Variants in THSD7B observed in about 807,000 individuals in gnomAD.
THSD7B encodes thrombospondin type-1 domain-containing protein 7B.
THSD7B carries 138 observed loss-of-function variants against 213.6 expected under a neutral mutation model. The observed-to-expected ratio is 0.65, with a 90% CI of 0.56 to 0.74. THSD7B has a LOEUF of 0.74. THSD7B is among the 30% of genes least tolerant of loss of function. The pLI, the probability that THSD7B is intolerant of heterozygous loss-of-function variation, is 0.00. For synonymous variants in THSD7B, 742 were observed against 687.0 expected (o/e 1.08, Z -1.25); for missense variants, 1,931 against 1,991.5 (o/e 0.97, Z 0.58).
chr2:136,925,348 A>G (rs1302009197), intron 2 of THSD7B, among the ~76,000 whole-genome samples: 1 of 152,164 alleles, frequency 6.6e-6, no homozygotes, highest in African/African-American at 2.4e-5. Flanking sequence ...CATTTACACT[A>G]TATTCCTAGT....
At chr2:137,252,266 C>CAAAAAAAAA (rs1182130976) in intron 10 of THSD7B, among the ~76,000 whole-genome samples, 2 of 59,690 alleles carry the variant, frequency 3.4e-5, no homozygotes, top group Non-Finnish European at 5.6e-5. Context: ...GACTCTGTCT[C>CAAAAAAAAA]AAAAAAAAAA....
chr2:137,515,941 G>A (rs995955902), intron 15 of THSD7B, among the ~76,000 whole-genome samples: 1 of 152,198 alleles, frequency 6.6e-6, no homozygotes, highest in African/African-American at 2.4e-5. Flanking sequence ...TGTGATGGCA[G>A]CACCTGCATC....
chr2:136,976,900 C>A (rs372831964), intron 2 of THSD7B, among the ~76,000 whole-genome samples: 2 of 152,160 alleles, frequency 1.3e-5, no homozygotes, highest in Non-Finnish European at 2.9e-5. Context: ...GGATTACAGG[C>A]GTGAGCCACC....
intron 2 of THSD7B, among the ~76,000 whole-genome samples, chr2:136,928,301 T>G (rs1249621351): frequency 1.3e-5 from 2 of 152,182 alleles, no homozygotes; most frequent in South Asian, 2.1e-4. Context: ...AAAAACAGAA[T>G]GGTTGTATGG....
At chr2:137,401,783 C>T (rs972828123) in intron 12 of THSD7B, among the ~76,000 whole-genome samples, 1 of 151,940 alleles carries the variant, frequency 6.6e-6, no homozygotes, top group Admixed American at 6.6e-5. Context: ...ATTTAGAAAA[C>T]CCAAATGCCT....
intron 17 of THSD7B, among the ~76,000 whole-genome samples, chr2:137,573,274 G>A (rs115941552): frequency 6.6e-6 from 1 of 152,008 alleles, no homozygotes; most frequent in African/African-American, 2.4e-5. Context: ...CAAATTATAT[G>A]AATTCAAACA....
rs775863730 is a variant in THSD7B, at chr2:136,882,335, G to A, written c.139+18G>A. On this transcript the variant is annotated intron_variant, in intron 2 of 27. Transcript: ENST00000409968. ...GAAACCAGGTAGGAATGTCCTGGCT[G>A]TTCCTTTGTCCTATTTTCATTAACA... The A allele has an allele frequency of 6.6e-7, 1 of 1,508,620 alleles. No homozygotes were observed. The highest frequency in any genetic ancestry group is 8.9e-7 in the Non-Finnish European group (1 of 1,129,074). The allele number at this position is 1,508,620 out of a possible 1,614,324, so 93.5% of individuals were successfully genotyped here.
chr2:137,557,082 C>G (rs1295137079), intron 15 of THSD7B, among the ~76,000 whole-genome samples: 1 of 152,138 alleles, frequency 6.6e-6, no homozygotes, highest in Non-Finnish European at 1.5e-5. Flanking sequence ...GACTCCCACA[C>G]AATAATAATG....
intron 7 of THSD7B, among the ~76,000 whole-genome samples, chr2:137,192,451 G>A (rs556904226): frequency 1.3e-5 from 2 of 152,150 alleles, no homozygotes; most frequent in Admixed American, 6.5e-5. Flanking sequence ...CTCCTGATAA[G>A]GTGTTATTTG....
chr2:137,482,263 G>A (rs1688326283), intron 15 of THSD7B, among the ~76,000 whole-genome samples: 1 of 151,564 alleles, frequency 6.6e-6, no homozygotes. Context: ...ATTAGTAGAG[G>A]CCAACTTTTC....
chr2:137,251,382 TGTCA>T (rs994029726), intron 10 of THSD7B, among the ~76,000 whole-genome samples: 10 of 152,214 alleles, frequency 6.6e-5, no homozygotes, highest in African/African-American at 1.4e-4. Flanking sequence ...TTCATTTGTC[TGTCA>T]GTCTGTCTAT....
At chr2:137,245,039 G>A (rs948381773) in intron 10 of THSD7B, among the ~76,000 whole-genome samples, 3 of 152,032 alleles carry the variant, frequency 2.0e-5, no homozygotes, top group African/African-American at 7.2e-5. Context: ...AAGAAGCTAG[G>A]GCCCCCTGAA....
At chr2:136,929,622 G>T (rs1257126898) in intron 2 of THSD7B, among the ~76,000 whole-genome samples, 6 of 152,132 alleles carry the variant, frequency 3.9e-5, no homozygotes, top group African/African-American at 1.4e-4. Flanking sequence ...GGAGGAAGTG[G>T]TATTTTGTCT....
intron 2 of THSD7B, among the ~76,000 whole-genome samples, chr2:136,891,149 C>G (rs1683849355): frequency 6.6e-6 from 1 of 151,836 alleles, no homozygotes; most frequent in East Asian, 1.9e-4. Context: ...ACTTTTCATT[C>G]AGAGGATATT....
chr2:137,570,332 G>T (rs185599210), intron 16 of THSD7B, among the ~76,000 whole-genome samples: 1 of 151,324 alleles, frequency 6.6e-6, no homozygotes, highest in African/African-American at 2.4e-5. Context: ...ATTTTGAGAC[G>T]GAGTCTCGCC....
chr2:137,487,999 G>A (rs1455812858), intron 15 of THSD7B, among the ~76,000 whole-genome samples: 227 of 13,178 alleles, frequency 0.017, 73 homozygotes, highest in African/African-American at 0.034. Flanking sequence ...TCCTGACCTC[G>A]TGATCCGCCC....
In THSD7B at chr2:137,235,276, AT is replaced by A. The variant is rs1681739340; in HGVS notation, c.2150+2145del. On this transcript the variant is annotated intron_variant, in intron 9 of 27. Coordinates refer to ENST00000409968, the MANE Select transcript of THSD7B (RefSeq NM_001316349.2). ...AATATAAAAATAAAAATAAGTATGG[AT>A]TAGATGTAGGAGTAACCCTACATAA... is the stretch of plus-strand genomic sequence containing the variant. Among the ~76,000 whole-genome samples the A allele has an allele frequency of 2.0e-5, 3 of 152,328 alleles. No homozygotes were observed. The South Asian group carries it at 6.2e-4, about 32-fold the overall frequency.
intron 5 of THSD7B, among the ~76,000 whole-genome samples, chr2:137,159,148 G>A (rs1679962729): frequency 6.6e-6 from 1 of 151,938 alleles, no homozygotes; most frequent in Non-Finnish European, 1.5e-5. Flanking sequence ...GAGTCTCCTG[G>A]CGGCCAGGCA....
At chr2:137,170,701 G>T in intron 6 of THSD7B, 40 bp from the exon 7 acceptor site, 1 of 1,590,318 alleles carries the variant, frequency 6.3e-7, no homozygotes. Flanking sequence ...TCCTGGAAAA[G>T]AGTGGAATTC....
Sources: gnomAD v4.1 joint callset for allele counts (sites outside exome capture counted in the v4.1 genomes callset) on GRCh38, gnomAD v4.1.1 for gene constraint, MANE v1.5 for transcripts, NCBI Gene and HGNC (gene_info 2026-07-23, HGNC 2026-07-21) for gene names.